The following NHSL2 variants were observed in gnomAD, a reference collection of about 807,000 sequenced individuals.
NHSL2 encodes NHS-like protein 2.
In NHSL2, 27 loss-of-function variants were observed where a neutral mutation model predicts 53.4. That is an observed-to-expected ratio of 0.51 (90% confidence interval 0.37 to 0.70). NHSL2 has a LOEUF of 0.70. Ranked by LOEUF, NHSL2 falls within the 30% of genes least tolerant of loss-of-function variation. NHSL2 has a pLI of 0.00. For synonymous variants in NHSL2, 408 were observed against 404.1 expected (o/e 1.01, Z -0.12); for missense variants, 892 against 980.1 (o/e 0.91, Z 1.20).
chrX:72,116,189 T>G, intron 1 of NHSL2, among the ~76,000 whole-genome samples: 1 of 112,082 alleles, frequency 8.9e-6, no homozygotes, highest in African/African-American at 3.2e-5. Context: ...AGATTAAATT[T>G]GTCAAGTGCC....
intron 1 of NHSL2, among the ~76,000 whole-genome samples, chrX:71,944,901 A>C (rs2147834557): frequency 8.9e-6 from 1 of 112,481 alleles, no homozygotes; most frequent in East Asian, 2.8e-4. Flanking sequence ...GCTACAATAC[A>C]GCCACCAAAT....
intron 1 of NHSL2, among the ~76,000 whole-genome samples, chrX:72,016,038 G>A (rs1039484033): frequency 1.8e-5 from 2 of 112,061 alleles, no homozygotes; most frequent in Admixed American, 9.4e-5. Flanking sequence ...GTGTTTGTGT[G>A]TTGTTTAAAA....
intron 1 of NHSL2, among the ~76,000 whole-genome samples, chrX:72,004,954 C>T (rs1466079957): frequency 1.8e-5 from 2 of 111,322 alleles, no homozygotes; most frequent in African/African-American, 6.5e-5. Context: ...TTATGGAAGG[C>T]GAGGCATTCT....
chrX:72,022,650 C>T (rs148481342), intron 1 of NHSL2, among the ~76,000 whole-genome samples: 126 of 111,823 alleles, frequency 1.1e-3, no homozygotes, highest in Non-Finnish European at 1.4e-3. Context: ...CCCATCTCCC[C>T]GTACCATCTC....
chrX:71,957,788 GAATGAACTCTA>G (rs1404891389), intron 1 of NHSL2, among the ~76,000 whole-genome samples: 2 of 110,966 alleles, frequency 1.8e-5, no homozygotes, highest in African/African-American at 6.6e-5. Context: ...CTGACTGACT[GAATGAACTCTA>G]ACTCCATGTC....
chrX:72,062,980 A>C (rs1248946494), intron 1 of NHSL2, among the ~76,000 whole-genome samples: 2 of 111,898 alleles, frequency 1.8e-5, no homozygotes, highest in Non-Finnish European at 3.8e-5. Flanking sequence ...TGGAAACTAA[A>C]TGGGGCTCAA....
intron 1 of NHSL2, 183 bp from the exon 2 acceptor site, chrX:72,131,896 C>G: frequency 2.4e-6 from 1 of 422,615 alleles, no homozygotes; most frequent in Non-Finnish European, 4.0e-6. Flanking sequence ...AGGGAGCGGA[C>G]TGCGGCAGGA....
intron 1 of NHSL2, among the ~76,000 whole-genome samples, chrX:72,120,775 A>G (rs1205753064): frequency 1.8e-5 from 2 of 112,587 alleles, no homozygotes; most frequent in Non-Finnish European, 1.9e-5. Context: ...GCATATTGTT[A>G]TGTCTCCTCA....
chrX:71,919,997 A>G (rs2041649142), intron 1 of NHSL2, among the ~76,000 whole-genome samples: 1 of 112,797 alleles, frequency 8.9e-6, no homozygotes, highest in African/African-American at 3.2e-5. Context: ...AGCCTGGTTT[A>G]TGGGTGAAGA....
chrX:71,942,932 G>T (rs960045512), intron 1 of NHSL2, among the ~76,000 whole-genome samples: 1 of 102,154 alleles, frequency 9.8e-6, no homozygotes, highest in Non-Finnish European at 2.0e-5. Context: ...CCTAGTCTTT[G>T]TCGAGGGCTC....
At chrX:72,095,081 G>A (rs1452958433) in intron 1 of NHSL2, among the ~76,000 whole-genome samples, 1 of 111,814 alleles carries the variant, frequency 8.9e-6, no homozygotes, top group Non-Finnish European at 1.9e-5. Flanking sequence ...TCAGTGCTTG[G>A]CCCCTGTTGC....
At chrX:72,054,610 T>G in intron 1 of NHSL2, among the ~76,000 whole-genome samples, 1 of 112,481 alleles carries the variant, frequency 8.9e-6, no homozygotes, top group Middle Eastern at 4.6e-3. Context: ...TCTTTTTCTT[T>G]CCCAATTTGC....
chrX:72,056,044 A>G (rs1384086259), intron 1 of NHSL2, among the ~76,000 whole-genome samples: 1 of 112,229 alleles, frequency 8.9e-6, no homozygotes, highest in East Asian at 2.8e-4. Context: ...ATGGAATACT[A>G]TGCAGCCTTT....
At chrX:71,956,692 G>C (rs1195529177) in intron 1 of NHSL2, among the ~76,000 whole-genome samples, 1 of 111,660 alleles carries the variant, frequency 9.0e-6, no homozygotes, top group African/African-American at 3.3e-5. Flanking sequence ...ACATTTTACA[G>C]ATGAGAAAAC....
intron 1 of NHSL2, among the ~76,000 whole-genome samples, chrX:72,047,741 A>G (rs865889844): frequency 2.7e-5 from 3 of 111,807 alleles, no homozygotes; most frequent in African/African-American, 6.5e-5. Flanking sequence ...ATGGTACAGC[A>G]TTGTGCCAAG....
chrX:71,967,386 C>T (rs1425598170), intron 1 of NHSL2, among the ~76,000 whole-genome samples: 1 of 111,254 alleles, frequency 9.0e-6, no homozygotes, highest in Non-Finnish European at 1.9e-5. Flanking sequence ...GGTTTTTCTT[C>T]TTTTCTAATA....
intron 1 of NHSL2, among the ~76,000 whole-genome samples, chrX:72,039,062 T>TTCTCTTTTCCTTTCC (rs2147917425): frequency 1.6e-5 from 1 of 62,167 alleles, no homozygotes; most frequent in South Asian, 8.5e-4. Context: ...TTCCCTTCTC[T>TTCTCTTTTCCTTTCC]TTTCTTTTCC....
At chrX:72,071,745 C>G (rs2041702789) in intron 1 of NHSL2, among the ~76,000 whole-genome samples, 1 of 112,086 alleles carries the variant, frequency 8.9e-6, no homozygotes, top group Admixed American at 9.4e-5. Flanking sequence ...CGCTTAGTGA[C>G]CCCACTGTCT....
intron 1 of NHSL2, among the ~76,000 whole-genome samples, chrX:72,124,073 C>T (rs1387090437): frequency 9.0e-6 from 1 of 111,684 alleles, no homozygotes; most frequent in Admixed American, 9.4e-5. Context: ...AGTGGCCTGC[C>T]GAGCTTTCCC....
Sources: allele counts gnomAD v4.1 joint callset (sites outside exome capture counted in the v4.1 genomes callset), GRCh38; gene constraint gnomAD v4.1.1; transcripts MANE v1.5; gene names NCBI Gene and HGNC (gene_info 2026-07-23, HGNC 2026-07-21).